The following TMC2 variants were observed in gnomAD, a reference collection of about 807,000 sequenced individuals.
TMC2 encodes transmembrane channel-like protein 2.
TMC2 carries 102 observed loss-of-function variants against 105.9 expected under a neutral mutation model. The observed-to-expected ratio is 0.96, with a 90% confidence interval of 0.82 to 1.14. The LOEUF is 1.14. Among genes scored for constraint, TMC2 ranks in the 50% most tolerant of loss-of-function variants. The pLI is 0.00. For synonymous variants in TMC2, 402 were observed against 422.8 expected (o/e 0.95, Z 0.60); for missense variants, 1,093 against 1,134.3 (o/e 0.96, Z 0.52).
chr20:2,563,293 C>T (rs1375630395), intron 4 of TMC2, among the ~76,000 whole-genome samples: 1 of 152,188 alleles, frequency 6.6e-6, no homozygotes, highest in Non-Finnish European at 1.5e-5. Context: ...GAGCTTACCC[C>T]ACGGCCCTGC....
intron 2 of TMC2, among the ~76,000 whole-genome samples, chr20:2,545,052 ATT>A (rs34362830): frequency 1.7e-5 from 1 of 58,014 alleles, no homozygotes; most frequent in African/African-American, 5.2e-5. Flanking sequence ...AAAAAAAAAA[ATT>A]TAATTAGACA....
At chr20:2,542,445 A>G (rs2085895942) in intron 2 of TMC2, among the ~76,000 whole-genome samples, 2 of 152,204 alleles carry the variant, frequency 1.3e-5, no homozygotes, top group South Asian at 4.1e-4. Context: ...TCTTCCAAGT[A>G]TAGGAGAGGG....
At chr20:2,551,152 G>A (rs1436852067) in intron 2 of TMC2, among the ~76,000 whole-genome samples, 1 of 152,102 alleles carries the variant, frequency 6.6e-6, no homozygotes, top group African/African-American at 2.4e-5. Flanking sequence ...AGCATTTTGT[G>A]TTGCCAATAA....
Position 2,537,255 on chromosome 20 carries a change from C to T in TMC2, c.35-14C>T. On this transcript the variant is annotated splice_polypyrimidine_tract_variant and intron_variant, in intron 1 of 19. Transcript: ENST00000358864. ...CAGAGGCCAGCCATTTGTCAGCAAT[C>T]CTGTCTCTTACAGCACGAGGCGGAG... 1 of 1,597,662 alleles carries T rather than the reference C, an allele frequency of 6.3e-7. No individual in the cohort carries two copies. Among genetic ancestry groups the T allele is most frequent in the Non-Finnish European group, 8.5e-7 (1 of 1,172,008 alleles).
intron 12 of TMC2, 139 bp from the exon 13 acceptor site, chr20:2,612,052 A>C: frequency 5.1e-6 from 4 of 778,856 alleles, no homozygotes; most frequent in South Asian, 3.1e-5. Context: ...TGAGAAGGGA[A>C]TTTTGGAAGG....
chr20:2,633,758 C>CTGGGTAG (rs1285476987), intron 17 of TMC2, among the ~76,000 whole-genome samples: 2 of 54,704 alleles, frequency 3.7e-5, no homozygotes, highest in Middle Eastern at 8.6e-3. Context: ...TACTACAGAA[C>CTGGGTAG]TGGGTAGGGG....
intron 2 of TMC2, among the ~76,000 whole-genome samples, chr20:2,544,930 G>A (rs1321299337): frequency 4.0e-5 from 6 of 151,438 alleles, no homozygotes; most frequent in East Asian, 1.9e-4. Context: ...GCATGGTGGC[G>A]CATACTTGTA....
chr20:2,577,818 C>T (rs766481119), intron 5 of TMC2, among the ~76,000 whole-genome samples: 13 of 151,890 alleles, frequency 8.6e-5, no homozygotes, highest in Non-Finnish European at 1.9e-4. Flanking sequence ...TCACTTGAGC[C>T]CAGGAGGTCA....
At chr20:2,562,906 A>T (rs941911750) in intron 4 of TMC2, among the ~76,000 whole-genome samples, 1 of 152,072 alleles carries the variant, frequency 6.6e-6, no homozygotes, top group Non-Finnish European at 1.5e-5. Flanking sequence ...AGATCATGCC[A>T]CTGAACTCCA....
chr20:2,546,369 AT>A (rs2085926102), intron 2 of TMC2, among the ~76,000 whole-genome samples: 1 of 152,252 alleles, frequency 6.6e-6, no homozygotes, highest in Non-Finnish European at 1.5e-5. Context: ...AATATTAAAA[AT>A]AGAAGTCTTA....
In TMC2 at chr20:2,637,297, A is replaced by G. The variant is rs138929083; in HGVS notation, c.2386-177A>G. 6.3e-3 allele frequency among the ~76,000 whole-genome samples: 953 copies of G among 151,282 alleles called. 5 individuals carry two copies. The highest frequency in any genetic ancestry group is 0.017 in the Middle Eastern group (5 of 288). ...AGCTACTCGAGAGGCTGAGGGCAGG[A>G]GAATCGCTTGAACCCAGGAGGCAGA... On this transcript the variant is annotated intron_variant, in intron 18 of 19. Transcript: ENST00000358864.
intron 7 of TMC2, among the ~76,000 whole-genome samples, chr20:2,586,024 G>T (rs1208852527): frequency 6.6e-6 from 1 of 152,124 alleles, no homozygotes; most frequent in Non-Finnish European, 1.5e-5. Flanking sequence ...CACCTCACAG[G>T]CTGCCTACCA....
At chr20:2,573,741 T>C (rs111541312) in intron 5 of TMC2, among the ~76,000 whole-genome samples, 15,688 of 144,190 alleles carry the variant, frequency 0.11, 1,209 homozygotes, top group African/African-American at 0.19. Context: ...TTTGTGTTTT[T>C]AGTAGAGACG....
intron 2 of TMC2, among the ~76,000 whole-genome samples, chr20:2,545,569 A>G (rs1322298049): frequency 3.9e-5 from 6 of 152,188 alleles, no homozygotes; most frequent in African/African-American, 1.4e-4. Context: ...GGGATTGTCA[A>G]ATAATGCTGT....
In TMC2 at chr20:2,616,796, C is replaced by A. The variant is rs958729948; in HGVS notation, c.1941-276C>A. ...AACCGAGGAGAAACAGGCAGGAGAC[C>A]GTATAATTTGCTAGATGCCTGGGGG... is the stretch of plus-strand genomic sequence containing the variant. On this transcript the variant is annotated intron_variant, in intron 15 of 19. Coordinates refer to ENST00000358864, the MANE Select transcript of TMC2 (RefSeq NM_080751.3). This position sits in a 1 kb window ranked among gnomAD's most constrained non-coding sequence, Gnocchi z 4.8. 7.9e-5 allele frequency among the ~76,000 whole-genome samples: 12 copies of A among 152,184 alleles called. No homozygotes were observed. The highest frequency in any genetic ancestry group is 2.7e-4 in the African/African-American group (11 of 41,448).
At chr20:2,611,878 G>GTGGGTGGATGGATGGA (rs2086442092) in intron 12 of TMC2, among the ~76,000 whole-genome samples, 1 of 98,584 alleles carries the variant, frequency 1.0e-5, no homozygotes, top group Non-Finnish European at 2.0e-5. Context: ...GGGTGGGTGG[G>GTGGGTGGATGGATGGA]TGGGTGGGTG....
At chr20:2,604,385 C>T (rs977584337) in intron 11 of TMC2, among the ~76,000 whole-genome samples, 2 of 152,240 alleles carry the variant, frequency 1.3e-5, no homozygotes, top group East Asian at 3.9e-4. Context: ...TGAGAGAGGG[C>T]GGAACAATTT....
At chr20:2,563,807 G>A (rs1008124761) in intron 4 of TMC2, among the ~76,000 whole-genome samples, 2 of 152,112 alleles carry the variant, frequency 1.3e-5, no homozygotes, top group African/African-American at 4.8e-5. Context: ...ACTCACTGTG[G>A]CCTTGAATTC....
In TMC2 at chr20:2,637,460, A is replaced by C. The variant is rs2086656664; in HGVS notation, c.2386-14A>C. On this transcript the variant is annotated splice_polypyrimidine_tract_variant and intron_variant, in intron 18 of 19. Coordinates refer to ENST00000358864, the MANE Select transcript of TMC2 (RefSeq NM_080751.3). ...TTTCCTGGGCCAGGACCAACAGTTC[A>C]TTATTTCCTGCAGCTCCGTGAAGTT... 6.3e-7 allele frequency: 1 copy of C among 1,579,414 alleles called. No individual in the cohort carries two copies. Among genetic ancestry groups the C allele is most frequent in the African/African-American group, 1.3e-5 (1 of 74,320 alleles).
Sources: allele counts gnomAD v4.1 joint callset (sites outside exome capture counted in the v4.1 genomes callset), GRCh38; gene constraint gnomAD v4.1.1; non-coding constraint Gnocchi (gnomAD v3.1); transcripts MANE v1.5; gene names NCBI Gene and HGNC (gene_info 2026-07-23, HGNC 2026-07-21).